EPHA5: variants seen among roughly 807,000 people sequenced by gnomAD.
EPHA5 encodes EPH receptor A5, also known as ephrin type-A receptor 5.
A neutral mutation model predicts 105.0 loss-of-function variants in EPHA5; 60 were observed. That is an observed-to-expected ratio of 0.57 (90% CI 0.46 to 0.71). The LOEUF is 0.71. Ranked by LOEUF, EPHA5 falls within the 30% of genes least tolerant of loss-of-function variation. The pLI is 0.00. For missense variants in EPHA5, 1,218 were observed against 1,274.7 expected (o/e 0.96, Z 0.68); for synonymous variants, 513 against 449.1 (o/e 1.14, Z -1.80).
At chr4:65,595,150 G>GAAAAAAAAAAAAAATAAA (rs1743045506) in intron 3 of EPHA5, among the ~76,000 whole-genome samples, 1 of 116,690 alleles carries the variant, frequency 8.6e-6, no homozygotes, top group Non-Finnish European at 1.9e-5. Context: ...CACCATTTCA[G>GAAAAAAAAAAAAAATAAA]AAAAAAAAAA....
At chr4:65,537,878 C>A (rs1045748225) in intron 3 of EPHA5, among the ~76,000 whole-genome samples, 1 of 151,614 alleles carries the variant, frequency 6.6e-6, no homozygotes, top group African/African-American at 2.4e-5. Context: ...TGAAAATAAT[C>A]ATCACAAAAA....
intron 3 of EPHA5, among the ~76,000 whole-genome samples, chr4:65,500,814 T>C (rs1490090380): frequency 1.3e-5 from 1 of 76,850 alleles, no homozygotes; most frequent in African/African-American, 4.6e-5. Context: ...TACAGCCATA[T>C]ATGTGTGCGT....
intron 3 of EPHA5, among the ~76,000 whole-genome samples, chr4:65,522,228 T>G (rs1419615172): frequency 2.0e-5 from 3 of 151,466 alleles, no homozygotes; most frequent in African/African-American, 7.3e-5. Context: ...AGATGGGGAT[T>G]TCCTGCTTCT....
At chr4:65,500,211 CT>C (rs1216948353) in intron 3 of EPHA5, among the ~76,000 whole-genome samples, 1 of 151,284 alleles carries the variant, frequency 6.6e-6, no homozygotes, top group Non-Finnish European at 1.5e-5. Context: ...CATATGATGT[CT>C]GTACATTACC....
At chr4:65,388,952 A>T (rs1244772462) in intron 8 of EPHA5, among the ~76,000 whole-genome samples, 1 of 152,066 alleles carries the variant, frequency 6.6e-6, no homozygotes, top group Non-Finnish European at 1.5e-5. Flanking sequence ...TTTTAGGTCC[A>T]TCTAAATTCC....
intron 3 of EPHA5, among the ~76,000 whole-genome samples, chr4:65,576,577 T>C (rs573699368): frequency 6.6e-6 from 1 of 152,192 alleles, no homozygotes; most frequent in Non-Finnish European, 1.5e-5. Flanking sequence ...TTAGAATGGA[T>C]AGTGCCTGTA....
At chr4:65,358,048 A>G (rs943435604) in intron 11 of EPHA5, among the ~76,000 whole-genome samples, 1 of 151,418 alleles carries the variant, frequency 6.6e-6, no homozygotes. Context: ...AGCAGCATAG[A>G]CATGGCCTGG....
chr4:65,513,418 G>T (rs995448652), intron 3 of EPHA5, among the ~76,000 whole-genome samples: 57 of 151,914 alleles, frequency 3.8e-4, no homozygotes, highest in African/African-American at 1.3e-3. Context: ...TTGGAGTCTC[G>T]CTCTGTCGCC....
chr4:65,360,359 G>A (rs1051121620), intron 11 of EPHA5, among the ~76,000 whole-genome samples: 1 of 151,608 alleles, frequency 6.6e-6, no homozygotes, highest in Non-Finnish European at 1.5e-5. Context: ...TTGAATAAAT[G>A]AATGTTTCTT....
At chr4:65,611,289 A>C (rs1744734698) in intron 2 of EPHA5, among the ~76,000 whole-genome samples, 1 of 152,034 alleles carries the variant, frequency 6.6e-6, no homozygotes, top group African/African-American at 2.4e-5. Context: ...GTAAGATGTA[A>C]ATTGAAAAGT....
intron 3 of EPHA5, among the ~76,000 whole-genome samples, chr4:65,561,379 ATATAGGG>A (rs11279133): frequency 0.13 from 20,026 of 151,908 alleles, 1,785 homozygotes; most frequent in East Asian, 0.3. Flanking sequence ...AGTCATAGGC[ATATAGGG>A]TATCCAGGGT....
chr4:65,584,923 A>C (rs960826759), intron 3 of EPHA5, among the ~76,000 whole-genome samples: 2 of 151,932 alleles, frequency 1.3e-5, no homozygotes, highest in African/African-American at 4.8e-5. Context: ...CTTGGTGAGA[A>C]AATTGAGAAA....
At chr4:65,660,157 T>C (rs1481296595) in intron 1 of EPHA5, among the ~76,000 whole-genome samples, 1 of 152,126 alleles carries the variant, frequency 6.6e-6, no homozygotes, top group Non-Finnish European at 1.5e-5. Flanking sequence ...TTTCTTGATA[T>C]GATTTGTGGC....
chr4:65,500,579 AT>A (rs1732388119), intron 3 of EPHA5, among the ~76,000 whole-genome samples: 1 of 150,664 alleles, frequency 6.6e-6, no homozygotes, highest in Non-Finnish European at 1.5e-5. Flanking sequence ...AATTGCATCG[AT>A]TTTTCGCCAT....
chr4:65,558,877 T>G (rs1232880340), intron 3 of EPHA5, among the ~76,000 whole-genome samples: 1 of 152,158 alleles, frequency 6.6e-6, no homozygotes, highest in African/African-American at 2.4e-5. Flanking sequence ...ATTTAAAAAA[T>G]TCTTAAAAAC....
In EPHA5 at chr4:65,471,760, C is replaced by T. The variant is rs143573074; in HGVS notation, c.1402+18617G>A. Among the ~76,000 whole-genome samples, 748 of 152,194 alleles carry T rather than the reference C, an allele frequency of 4.9e-3. 9 individuals are homozygous for T. The highest frequency in any genetic ancestry group is 0.017 in the African/African-American group (718 of 41,556). On this transcript the variant is annotated intron_variant, in intron 5 of 16. Coordinates refer to ENST00000613740, the MANE Select transcript of EPHA5 (RefSeq NM_001281766.3). ...TCACAAGAAAGCATGGAGGAAACTG[C>T]CCCCATGATCCAATCACCTCCCACC...
chr4:65,600,730 A>G (rs1743637281), intron 3 of EPHA5, among the ~76,000 whole-genome samples: 1 of 152,164 alleles, frequency 6.6e-6, no homozygotes, highest in African/African-American at 2.4e-5. Flanking sequence ...TCACATCATG[A>G]TGAAAACAAG....
chr4:65,550,502 T>G (rs1737792536), intron 3 of EPHA5, among the ~76,000 whole-genome samples: 1 of 152,184 alleles, frequency 6.6e-6, no homozygotes, highest in South Asian at 2.1e-4. Flanking sequence ...CTTTTATTTT[T>G]CTGCCACTCA....
chr4:65,485,755 T>C (rs901331118), intron 5 of EPHA5, among the ~76,000 whole-genome samples: 1 of 152,154 alleles, frequency 6.6e-6, no homozygotes, highest in African/African-American at 2.4e-5. Flanking sequence ...ATTGTTGGAA[T>C]GCAGAGAGAA....
Sources: gnomAD v4.1 joint callset for allele counts (sites outside exome capture counted in the v4.1 genomes callset) on GRCh38, gnomAD v4.1.1 for gene constraint, MANE v1.5 for transcripts, NCBI Gene and HGNC (gene_info 2026-07-23, HGNC 2026-07-21) for gene names.